FGF2: variants seen among roughly 807,000 people sequenced by gnomAD.
The protein encoded by FGF2 is fibroblast growth factor 2.
In FGF2, 13 loss-of-function variants were observed where a neutral mutation model predicts 15.9. The observed-to-expected ratio is 0.82, with a 90% CI of 0.53 to 1.30. FGF2 has a LOEUF of 1.30. Among genes scored for constraint, FGF2 ranks in the 50% most tolerant of loss-of-function variants. The pLI, the probability that FGF2 is intolerant of heterozygous loss-of-function variation, is 0.00. For missense variants in FGF2, 163 were observed against 196.9 expected, an observed-to-expected ratio of 0.83 and a Z score of 1.03; for synonymous variants, 90 against 78.4, an observed-to-expected ratio of 1.15 and a Z score of -0.78.
At chr4:122,834,631 A>G (rs1256823055) in intron 1 of FGF2, among the ~76,000 whole-genome samples, 1 of 152,194 alleles carries the variant, frequency 6.6e-6, no homozygotes, top group Non-Finnish European at 1.5e-5. Context: ...CTGCCTTTGC[A>G]AAAGTTATAT....
At position 122,827,276 on chromosome 4, in the gene FGF2, C is replaced by T; in HGVS notation, c.102C>T (p.Cys34=). Residue 34 remains cysteine, a synonymous_variant, in exon 1 of 3, where the codon TGC becomes TGT. Coordinates refer to ENST00000644866, the MANE Select transcript of FGF2 (RefSeq NM_001361665.2). This position sits in a 1 kb window ranked among gnomAD's most constrained non-coding sequence, Gnocchi z 4.2. Reference sequence around the variant, plus strand: ...TCAAGGACCCCAAGCGGCTGTACTGCAAAAACGGGGGCTTCTTCCTGCGCA... The same window carrying T: ...TCAAGGACCCCAAGCGGCTGTACTGTAAAAACGGGGGCTTCTTCCTGCGCA... ...GHFKDPKRLY[C]KNGGFFLRIH... The T allele has an allele frequency of 6.2e-7, 1 of 1,612,888 alleles. No individual in the cohort carries two copies. Among genetic ancestry groups the T allele is most frequent in the African/African-American group, 1.3e-5 (1 of 75,028 alleles).
At chr4:122,854,698 A>G (rs1560745069) in intron 1 of FGF2, among the ~76,000 whole-genome samples, 1 of 152,192 alleles carries the variant, frequency 6.6e-6, no homozygotes, top group Non-Finnish European at 1.5e-5. Flanking sequence ...GGGCCTTCTC[A>G]GAAGTTTTGG....
chr4:122,847,881 A>G (rs78078786), intron 1 of FGF2, among the ~76,000 whole-genome samples: 3,795 of 152,304 alleles, frequency 0.025, 176 homozygotes, highest in African/African-American at 0.086. Flanking sequence ...GCCCCCCACA[A>G]TATGGAGGGC....
chr4:122,855,151 G>T (rs566458206), intron 1 of FGF2, among the ~76,000 whole-genome samples: 1 of 152,272 alleles, frequency 6.6e-6, no homozygotes, highest in African/African-American at 2.4e-5. Flanking sequence ...CCAACAAGCT[G>T]GTTGCATTAT....
chr4:122,833,365 G>A lies in FGF2; in HGVS notation c.178+6013G>A, dbSNP rs1402973259. On this transcript the variant is annotated intron_variant, in intron 1 of 2. Coordinates refer to ENST00000644866, the MANE Select transcript of FGF2 (RefSeq NM_001361665.2). ...ATGTGAATATTAAGTGTATGTTCCA[G>A]ATATAATTGAACAATTGAAAGGAAT... 1.3e-5 allele frequency among the ~76,000 whole-genome samples: 2 copies of A among 152,078 alleles called. 1 individual carries two copies. Among genetic ancestry groups the A allele is most frequent in the African/African-American group, 4.8e-5 (2 of 41,410 alleles).
chr4:122,897,705 T>G lies in FGF2; in HGVS notation c.*5309T>G, dbSNP rs113287409. The G allele has an allele frequency of 6.7e-7, 1 of 1,487,810 alleles. No individual in the cohort carries two copies. The highest frequency in any genetic ancestry group is 1.7e-5 in the Admixed American group (1 of 59,782). 92.2% of individuals were successfully genotyped at this position (1,487,810 alleles called of 1,614,324 possible). On this transcript the variant is annotated 3_prime_UTR_variant, in exon 3 of 3. Transcript: ENST00000644866. ...TGCAGTATAAAGTCAGAAAATAAAGTTAACATAACTTTCACTAACACACAC... is the reference window on the plus strand; with the variant it reads ...TGCAGTATAAAGTCAGAAAATAAAGGTAACATAACTTTCACTAACACACAC...
intron 2 of FGF2, among the ~76,000 whole-genome samples, chr4:122,885,911 TC>T (rs1491175348): frequency 2.9e-5 from 4 of 135,596 alleles, no homozygotes; most frequent in African/African-American, 5.8e-5. Flanking sequence ...ATTTTTTTTT[TC>T]CTTTTTTTTT....
At position 122,897,479 on chromosome 4, in the gene FGF2, G is replaced by C; in HGVS notation, c.*5083G>C. ...AGAAATTATGCTGCTAATTATATCA[G>C]CTCTGAGGTAATTTCTGAAATGTTC... is the stretch of plus-strand genomic sequence containing the variant. On this transcript the variant is annotated 3_prime_UTR_variant, in exon 3 of 3. Transcript: ENST00000644866. 1 of 670,912 alleles carries C rather than the reference G, an allele frequency of 1.5e-6. No individual in the cohort carries two copies. The highest frequency in any genetic ancestry group is 2.7e-6 in the Non-Finnish European group (1 of 371,744). 41.6% of individuals were successfully genotyped at this position (670,912 alleles called of 1,614,324 possible). A position where few individuals can be genotyped will look rare whatever the true frequency, so the allele number is the denominator to read the frequency against.
intron 1 of FGF2, among the ~76,000 whole-genome samples, chr4:122,838,115 A>G (rs898095136): frequency 6.6e-6 from 1 of 152,212 alleles, no homozygotes; most frequent in Non-Finnish European, 1.5e-5. Context: ...TTGAAAAATA[A>G]CGAATTACAG....
In FGF2 at chr4:122,893,474, C is replaced by G; in HGVS notation, c.*1078C>G. On this transcript the variant is annotated 3_prime_UTR_variant, in exon 3 of 3. Transcript: ENST00000644866. ...GGCTGCTACTTGGAGGCTTATCTAC[C>G]TGTACATTTTTGGGGTCAGCTCTTT... The G allele has an allele frequency of 2.8e-6, 1 of 358,342 alleles. No homozygotes were observed. The highest frequency in any genetic ancestry group is 4.9e-6 in the Non-Finnish European group (1 of 202,260). 22.2% of individuals were successfully genotyped at this position (358,342 alleles called of 1,614,324 possible). A position where few individuals can be genotyped will look rare whatever the true frequency, so the allele number is the denominator to read the frequency against.
At chr4:122,850,157 G>T (rs1027066166) in intron 1 of FGF2, among the ~76,000 whole-genome samples, 5 of 151,952 alleles carry the variant, frequency 3.3e-5, no homozygotes, top group African/African-American at 1.2e-4. Flanking sequence ...AGCTACTTGG[G>T]AGACTCAGGC....
intron 1 of FGF2, among the ~76,000 whole-genome samples, chr4:122,842,030 C>G (rs1227854586): frequency 6.6e-6 from 1 of 152,186 alleles, no homozygotes; most frequent in Non-Finnish European, 1.5e-5. Context: ...ATTGGCTCTG[C>G]CCATGGGTAT....
rs184274834 is a variant in FGF2 at position 122,850,218 on chromosome 4, C to T, written c.178+22866C>T. Among the ~76,000 whole-genome samples the T allele has an allele frequency of 1.3e-4, 19 of 150,908 alleles. No homozygotes were observed. The East Asian group carries it at 2.9e-3, about 23-fold the overall frequency. On this transcript the variant is annotated intron_variant, in intron 1 of 2. Transcript: ENST00000644866. ...CGGAGGTTGCAGTGAGCCAAGATTG[C>T]ACCACTGCACTCCATCCTGGGCAAC...
At chr4:122,830,816 CAAAAAAAA>C (rs35597051) in intron 1 of FGF2, among the ~76,000 whole-genome samples, 4,062 of 92,844 alleles carry the variant, frequency 0.044, 246 homozygotes, top group African/African-American at 0.14. Flanking sequence ...CTCTTATTTA[CAAAAAAAA>C]AAAAAAAAAA....
At chr4:122,885,931 T>G (rs1488835090) in intron 2 of FGF2, among the ~76,000 whole-genome samples, 10 of 126,096 alleles carry the variant, frequency 7.9e-5, no homozygotes, top group Non-Finnish European at 1.4e-4. Flanking sequence ...TTTTTTTTTT[T>G]TTTTTGAGAC....
In FGF2 at chr4:122,894,611, A is replaced by G. The variant is rs1727293946; in HGVS notation, c.*2215A>G. On this transcript the variant is annotated 3_prime_UTR_variant, in exon 3 of 3. Transcript: ENST00000644866. ...CAAAAAAAGAGAAATTTTCCTTAAT[A>G]AGAAAAGTAATTTTTACTCTGATGT... 1 of 151,786 alleles carries G rather than the reference A, an allele frequency of 6.6e-6. No homozygotes were observed. The highest frequency in any genetic ancestry group is 1.5e-5 in the Non-Finnish European group (1 of 68,036). The allele number at this position is 151,786 out of a possible 1,614,324, so 9.4% of individuals were successfully genotyped here. A position where few individuals can be genotyped will look rare whatever the true frequency, so the allele number is the denominator to read the frequency against.
chr4:122,867,956 T>G (rs75432296), intron 1 of FGF2, among the ~76,000 whole-genome samples: 2,172 of 152,296 alleles, frequency 0.014, 56 homozygotes, highest in African/African-American at 0.049. Context: ...ATACTGAAGG[T>G]CTGCATTTTA....
At chr4:122,877,759 T>A (rs1013218291) in intron 2 of FGF2, among the ~76,000 whole-genome samples, 1 of 152,232 alleles carries the variant, frequency 6.6e-6, no homozygotes, top group African/African-American at 2.4e-5. Context: ...AATTGTGGTA[T>A]TTTGAGCTAT....
chr4:122,863,980 C>T (rs965302670), intron 1 of FGF2, among the ~76,000 whole-genome samples: 4 of 147,948 alleles, frequency 2.7e-5, no homozygotes, highest in African/African-American at 1.1e-4. Context: ...TTGAAACAGG[C>T]CTGCAACATT....
Sources: gnomAD v4.1 joint callset for allele counts (sites outside exome capture counted in the v4.1 genomes callset) on GRCh38, gnomAD v4.1.1 for gene constraint, Gnocchi (gnomAD v3.1) non-coding constraint, MANE v1.5 for transcripts, NCBI Gene and HGNC (gene_info 2026-07-23, HGNC 2026-07-21) for gene names.